The following CACNA2D1 variants were observed in gnomAD, a reference collection of about 807,000 sequenced individuals.
CACNA2D1 encodes voltage-dependent calcium channel subunit alpha-2/delta-1.
Under a neutral mutation model 171.5 loss-of-function variants are expected in CACNA2D1, and 53 were observed. The ratio of observed to expected loss-of-function variants is 0.31; its 90% CI spans 0.25 to 0.39. CACNA2D1 has a LOEUF of 0.39. Among genes scored for constraint, CACNA2D1 ranks in the 10% least tolerant of loss-of-function variants. CACNA2D1 has a pLI of 1.00. For synonymous variants in CACNA2D1, 442 were observed against 443.1 expected (o/e 1.00, Z 0.03); for missense variants, 903 against 1,299.8 (o/e 0.69, Z 4.69).
chr7:82,438,326 G>A (rs1357692497), intron 1 of CACNA2D1, among the ~76,000 whole-genome samples: 4 of 151,994 alleles, frequency 2.6e-5, no homozygotes, highest in East Asian at 1.9e-4. Context: ...ACATACACAC[G>A]TATATATGTG....
chr7:82,116,629 A>C (rs566452180), intron 6 of CACNA2D1, among the ~76,000 whole-genome samples: 1 of 152,306 alleles, frequency 6.6e-6, no homozygotes, highest in Admixed American at 6.5e-5. Flanking sequence ...AAGTCATAAG[A>C]ACTGGAAAGA....
At chr7:82,356,531 A>G (rs1216144635) in intron 1 of CACNA2D1, among the ~76,000 whole-genome samples, 2 of 152,180 alleles carry the variant, frequency 1.3e-5, no homozygotes, top group African/African-American at 2.4e-5. Context: ...AATTAGATAA[A>G]TATACATTTA....
intron 4 of CACNA2D1, among the ~76,000 whole-genome samples, chr7:82,161,444 C>T (rs953235745): frequency 6.6e-6 from 1 of 151,928 alleles, no homozygotes; most frequent in African/African-American, 2.4e-5. Context: ...ATTATGCTGC[C>T]TGCAGGATAT....
At chr7:82,325,151 T>A (rs949783011) in intron 3 of CACNA2D1, among the ~76,000 whole-genome samples, 1 of 152,188 alleles carries the variant, frequency 6.6e-6, no homozygotes, top group African/African-American at 2.4e-5. Flanking sequence ...AACATTGAGA[T>A]TGGAAGATGT....
At chr7:82,387,589 AATGAACAGTACC>A (rs72190293) in intron 1 of CACNA2D1, among the ~76,000 whole-genome samples, 19,592 of 152,220 alleles carry the variant, frequency 0.13, 1,365 homozygotes, top group East Asian at 0.18. Flanking sequence ...ATGTTCTAAC[AATGAACAGTACC>A]ATGAAAACAC....
In CACNA2D1 at chr7:82,262,200, A is replaced by G. The variant is rs530420152; in HGVS notation, c.294+72935T>C. On this transcript the variant is annotated intron_variant, in intron 3 of 38. Transcript: ENST00000356860. Reference sequence around the variant, plus strand: ...CAACAAATTAGCCAGGCGTGGTGGCAGGCACCTGTAGTCCCAGCTACTCGG... The same window carrying G: ...CAACAAATTAGCCAGGCGTGGTGGCGGGCACCTGTAGTCCCAGCTACTCGG... Among the ~76,000 whole-genome samples, 16 of 152,220 alleles carry G rather than the reference A, an allele frequency of 1.1e-4. No homozygotes were observed. In the South Asian group the frequency reaches 3.3e-3, roughly 32 times the overall value.
chr7:82,265,768 T>G (rs1807762542), intron 3 of CACNA2D1, among the ~76,000 whole-genome samples: 1 of 152,148 alleles, frequency 6.6e-6, no homozygotes, highest in African/African-American at 2.4e-5. Context: ...TGTTTGCCTA[T>G]ACCCTAAAAT....
intron 1 of CACNA2D1, among the ~76,000 whole-genome samples, chr7:82,357,264 G>A (rs141647743): frequency 0.013 from 1,980 of 151,818 alleles, 43 homozygotes; most frequent in African/African-American, 0.044. Flanking sequence ...TTTTCAAAAC[G>A]AAAAAAATAT....
At chr7:82,408,857 G>A (rs1243719490) in intron 1 of CACNA2D1, among the ~76,000 whole-genome samples, 2 of 152,172 alleles carry the variant, frequency 1.3e-5, no homozygotes, top group Non-Finnish European at 1.5e-5. Context: ...TGTACACAGA[G>A]AAGACAATTT....
intron 7 of CACNA2D1, among the ~76,000 whole-genome samples, chr7:82,073,401 G>A (rs181013221): frequency 4.6e-5 from 7 of 152,060 alleles, no homozygotes; most frequent in Admixed American, 1.3e-4. Flanking sequence ...TAGGTGATAC[G>A]AGGCATACAA....
chr7:82,291,517 TATAG>T (rs1307119223), intron 3 of CACNA2D1, among the ~76,000 whole-genome samples: 5 of 138,630 alleles, frequency 3.6e-5, no homozygotes, highest in African/African-American at 5.3e-5. Flanking sequence ...TAGATCTATA[TATAG>T]ATAGATCTAT....
intron 3 of CACNA2D1, among the ~76,000 whole-genome samples, chr7:82,176,560 C>G (rs1796556761): frequency 6.6e-6 from 1 of 151,602 alleles, no homozygotes; most frequent in African/African-American, 2.4e-5. Context: ...GCTAAAGAAG[C>G]CAGGCTGGAA....
At chr7:82,192,399 A>AATATATATATAT (rs57832901) in intron 3 of CACNA2D1, among the ~76,000 whole-genome samples, 8 of 146,620 alleles carry the variant, frequency 5.5e-5, no homozygotes, top group African/African-American at 1.0e-4. Flanking sequence ...AAACAGGGGA[A>AATATATATATAT]ATATATATAT....
intron 1 of CACNA2D1, among the ~76,000 whole-genome samples, chr7:82,391,884 GTCTT>G (rs1452643672): frequency 6.6e-6 from 1 of 152,144 alleles, no homozygotes; most frequent in African/African-American, 2.4e-5. Flanking sequence ...CCCAACTTTT[GTCTT>G]TCTGAGTTTG....
chr7:82,236,463 T>C (rs920400355), intron 3 of CACNA2D1, among the ~76,000 whole-genome samples: 36 of 152,084 alleles, frequency 2.4e-4, no homozygotes, highest in Admixed American at 2.0e-4. Context: ...CTACACGTTT[T>C]TCAAAAGACC....
At chr7:82,272,024 G>A (rs1191612739) in intron 3 of CACNA2D1, among the ~76,000 whole-genome samples, 1 of 151,820 alleles carries the variant, frequency 6.6e-6, no homozygotes, top group East Asian at 1.9e-4. Flanking sequence ...TAAAAAAAAG[G>A]AAAAATAAAT....
intron 6 of CACNA2D1, among the ~76,000 whole-genome samples, chr7:82,110,051 A>C (rs1436155897): frequency 6.6e-6 from 1 of 152,182 alleles, no homozygotes; most frequent in African/African-American, 2.4e-5. Context: ...ATTTCAGCCT[A>C]CCTGTCCATC....
intron 10 of CACNA2D1, among the ~76,000 whole-genome samples, chr7:82,041,073 C>G (rs1014830300): frequency 6.6e-6 from 1 of 151,796 alleles, no homozygotes; most frequent in East Asian, 1.9e-4. Flanking sequence ...GAGGGCAGAA[C>G]GAATGGACAG....
intron 4 of CACNA2D1, among the ~76,000 whole-genome samples, chr7:82,146,507 A>T (rs1309261079): frequency 1.6e-5 from 2 of 123,044 alleles, no homozygotes. Flanking sequence ...TATATATATA[A>T]AGATATATAT....
Sources: allele counts gnomAD v4.1 joint callset (sites outside exome capture counted in the v4.1 genomes callset), GRCh38; gene constraint gnomAD v4.1.1; transcripts MANE v1.5; gene names NCBI Gene and HGNC (gene_info 2026-07-23, HGNC 2026-07-21).